The following PCDHGB7 variants were observed in gnomAD, a reference collection of about 807,000 sequenced individuals.
The protein encoded by PCDHGB7 is protocadherin gamma subfamily B, 7.
Under a neutral mutation model 61.4 loss-of-function variants are expected in PCDHGB7, and 37 were observed. That is an observed-to-expected ratio of 0.60 (90% confidence interval 0.46 to 0.79). PCDHGB7 has a LOEUF of 0.79. PCDHGB7 is among the 30% of genes least tolerant of loss of function. The pLI is 0.00. For synonymous variants in PCDHGB7, 464 were observed against 503.5 expected (o/e 0.92, Z 1.05); for missense variants, 1,166 against 1,202.5 (o/e 0.97, Z 0.45).
At chr5:141,506,237 T>G (rs558256375) in intron 3 of PCDHGB7, among the ~76,000 whole-genome samples, 1 of 152,014 alleles carries the variant, frequency 6.6e-6, no homozygotes, top group South Asian at 2.1e-4. Flanking sequence ...GATCATGAGG[T>G]CAGGAGTTCG....
chr5:141,423,230 G>C (rs1223173152), intron 1 of PCDHGB7: 1 of 1,613,872 alleles, frequency 6.2e-7, no homozygotes, highest in Admixed American at 1.7e-5. Context: ...GTGGCCGACA[G>C]CATCCCCGAA....
chr5:141,426,630 T>C, intron 1 of PCDHGB7: 1 of 398,080 alleles, frequency 2.5e-6, no homozygotes, highest in South Asian at 1.8e-5. Context: ...TCTAAATGTT[T>C]TTCACATAAA....
rs2099884060 is a variant in PCDHGB7 at position 141,512,057 on chromosome 5, A to T, written c.*884A>T. 1 of 152,768 alleles carries T rather than the reference A, an allele frequency of 6.5e-6. No individual in the cohort carries two copies. Among genetic ancestry groups the T allele is most frequent in the South Asian group, 2.1e-4 (1 of 4,832 alleles). 9.5% of individuals were successfully genotyped at this position (152,768 alleles called of 1,614,324 possible). ...GGCTCTGTATGTCCTCAGGGGACTG[A>T]CAACATCCTCCAGATTCCAGCCATA... is the stretch of plus-strand genomic sequence containing the variant. On this transcript the variant is annotated 3_prime_UTR_variant, in exon 4 of 4. Coordinates refer to ENST00000398594, the MANE Select transcript of PCDHGB7 (RefSeq NM_018927.4).
chr5:141,473,647 C>T (rs2099326149), intron 1 of PCDHGB7, among the ~76,000 whole-genome samples: 1 of 152,172 alleles, frequency 6.6e-6, no homozygotes, highest in Non-Finnish European at 1.5e-5. Flanking sequence ...GGCAAAGGAA[C>T]AATTTGTGTG....
Position 141,432,433 on chromosome 5 carries a change from T to C in PCDHGB7, c.2415+12159T>C, listed in dbSNP as rs760107558. 10 of 1,613,996 alleles carry C rather than the reference T, an allele frequency of 6.2e-6. No individual in the cohort carries two copies. The South Asian group carries it at 8.8e-5, about 14-fold the overall frequency. ...TGTTCGTGCTGGACCAGAACGACAA[T>C]GCGCCCGAGATCCTGTACCCCGCCC... On this transcript the variant is annotated intron_variant, in intron 1 of 3. Transcript: ENST00000398594. This position sits in a 1 kb window ranked among gnomAD's most constrained non-coding sequence, Gnocchi z 6.0.
chr5:141,439,629 A>G (rs1262264623), intron 1 of PCDHGB7, among the ~76,000 whole-genome samples: 1 of 152,208 alleles, frequency 6.6e-6, no homozygotes, highest in East Asian at 1.9e-4. Flanking sequence ...CAATCCCCAG[A>G]CATTCCGGCT....
intron 1 of PCDHGB7, among the ~76,000 whole-genome samples, chr5:141,488,870 G>T (rs2099680071): frequency 6.6e-6 from 1 of 152,224 alleles, no homozygotes; most frequent in African/African-American, 2.4e-5. Context: ...TGAGTGGGGA[G>T]GTAGGAAGCT....
chr5:141,491,616 C>T lies in PCDHGB7; in HGVS notation c.2416-3191C>T. 1 of 1,613,944 alleles carries T rather than the reference C, an allele frequency of 6.2e-7. No homozygotes were observed. Among genetic ancestry groups the T allele is most frequent in the South Asian group, 1.1e-5 (1 of 91,082 alleles). On this transcript the variant is annotated intron_variant, in intron 1 of 3. Coordinates refer to ENST00000398594, the MANE Select transcript of PCDHGB7 (RefSeq NM_018927.4). The surrounding 1 kb of genome is among the most constrained non-coding windows in gnomAD (Gnocchi z 6.9). ...GCAGTGACTTCACTTTTCTAAGACC[C>T]CTCAGCGTTCAGCAGCCCACAGCTC...
At chr5:141,484,660 T>G in intron 1 of PCDHGB7, among the ~76,000 whole-genome samples, 1 of 151,976 alleles carries the variant, frequency 6.6e-6, no homozygotes, top group Non-Finnish European at 1.5e-5. Flanking sequence ...ACTCTCCCTC[T>G]CAGTGGGCCG....
chr5:141,505,486 G>A lies in PCDHGB7; in HGVS notation c.2563+5G>A, dbSNP rs1291166546. The A allele has an allele frequency of 1.8e-5, 29 of 1,614,088 alleles. No homozygotes were observed. The highest frequency in any genetic ancestry group is 2.1e-5 in the Non-Finnish European group (25 of 1,180,018). On this transcript the variant is annotated splice_donor_5th_base_variant and intron_variant, in intron 3 of 3. Transcript: ENST00000398594. ...TGATCTTGGCGTCCGCCAGTGGTAA[G>A]TGGTGTCAGTGTGTGTATGGAAGAG...
In PCDHGB7 at chr5:141,419,617, C is replaced by G. The variant is rs780077182; in HGVS notation, c.1758C>G (p.Tyr586Ter). Residue 586 changes from tyrosine (Y) to a stop codon, truncating the protein, a stop_gained, in exon 1 of 4, where the codon TAC (tyrosine) becomes TAG (stop). Transcript: ENST00000398594. LOFTEE classifies it high-confidence loss of function. Reference protein sequence around the residue: ...DTVPRAAQPGYLVTKVVAVDA... With the variant: ...DTVPRAAQPG ...TGCCGCGGGCCGCGCAGCCAGGCTACCTGGTGACCAAGGTGGTGGCCGTGG... is the reference window on the plus strand; with the variant it reads ...TGCCGCGGGCCGCGCAGCCAGGCTAGCTGGTGACCAAGGTGGTGGCCGTGG... The G allele has an allele frequency of 6.2e-7, 1 of 1,612,280 alleles. No homozygotes were observed.
intron 2 of PCDHGB7, among the ~76,000 whole-genome samples, chr5:141,500,928 G>A (rs2099803943): frequency 6.6e-6 from 1 of 151,476 alleles, no homozygotes; most frequent in African/African-American, 2.4e-5. Context: ...GGGTGCAGTG[G>A]CGCCATCTCG....
At chr5:141,483,207 A>G (rs1225621725) in intron 1 of PCDHGB7, among the ~76,000 whole-genome samples, 1 of 152,224 alleles carries the variant, frequency 6.6e-6, no homozygotes, top group African/African-American at 2.4e-5. Context: ...TATTCCATAT[A>G]GATGACAGTC....
At chr5:141,472,980 C>CAAAAAAA (rs60579131) in intron 1 of PCDHGB7, among the ~76,000 whole-genome samples, 1 of 86,102 alleles carries the variant, frequency 1.2e-5, no homozygotes, top group South Asian at 4.3e-4. Flanking sequence ...GAGTGAAACT[C>CAAAAAAA]AAAAAAAAAA....
chr5:141,508,800 C>A (rs973992018), intron 3 of PCDHGB7, among the ~76,000 whole-genome samples: 1 of 152,086 alleles, frequency 6.6e-6, no homozygotes, highest in African/African-American at 2.4e-5. Context: ...CTCTGGAATC[C>A]TGGCTCTTTG....
intron 2 of PCDHGB7, among the ~76,000 whole-genome samples, chr5:141,499,326 C>G (rs1465474737): frequency 6.6e-6 from 1 of 152,156 alleles, no homozygotes; most frequent in Non-Finnish European, 1.5e-5. Flanking sequence ...TATCCCTGCT[C>G]TCTCTCAGTT....
chr5:141,470,871 T>C (rs1036871133), intron 1 of PCDHGB7, among the ~76,000 whole-genome samples: 1 of 151,822 alleles, frequency 6.6e-6, no homozygotes, highest in Admixed American at 6.6e-5. Flanking sequence ...TGTTTGTTTG[T>C]TTTTTTGTTT....
chr5:141,441,825 C>A, intron 1 of PCDHGB7: 1 of 357,252 alleles, frequency 2.8e-6, no homozygotes, highest in Non-Finnish European at 5.5e-6. Flanking sequence ...CTCTGGAGCG[C>A]AATGGCTTCG....
Position 141,463,645 on chromosome 5 carries a change from G to T in PCDHGB7, c.2416-31162G>T, listed in dbSNP as rs372962993. ...TTGTATTTTGTTTAGTAGAGACGGG[G>T]TTTCACCGTGTTAGCCAGGATGGTC... On this transcript the variant is annotated intron_variant, in intron 1 of 3. Transcript: ENST00000398594. 7.9e-5 allele frequency among the ~76,000 whole-genome samples: 12 copies of T among 151,840 alleles called. No individual in the cohort carries two copies. In the East Asian group the frequency reaches 2.1e-3, roughly 27 times the overall value.
Sources: gnomAD v4.1 joint callset for allele counts (sites outside exome capture counted in the v4.1 genomes callset) on GRCh38, gnomAD v4.1.1 for gene constraint, Gnocchi (gnomAD v3.1) non-coding constraint, MANE v1.5 for transcripts, NCBI Gene and HGNC (gene_info 2026-07-23, HGNC 2026-07-21) for gene names.